Variants in MYO1H observed in about 807,000 individuals in gnomAD.
MYO1H encodes unconventional myosin-Ih.
MYO1H carries 118 observed loss-of-function variants against 149.3 expected under a neutral mutation model. That is an observed-to-expected ratio of 0.79 (90% CI 0.68 to 0.92). The LOEUF is 0.92. Among genes scored for constraint, MYO1H ranks in the 40% least tolerant of loss-of-function variants. MYO1H has a pLI of 0.00. For missense variants in MYO1H, 1,212 were observed against 1,280.7 expected, an observed-to-expected ratio of 0.95 and a Z score of 0.82; for synonymous variants, 447 against 465.2, an observed-to-expected ratio of 0.96 and a Z score of 0.50.
chr12:109,442,798 T>C lies in MYO1H; in HGVS notation c.2688+526T>C, dbSNP rs202180091. On this transcript the variant is annotated intron_variant, in intron 27 of 31. Transcript: ENST00000310903. The stretch of plus-strand genomic sequence containing the variant: ...ATCGTGTGTGCCAGTGTCTGCTCTT[T>C]TTTTTTTTTTTTTTTTTTTTGTTCC... Among the ~76,000 whole-genome samples, 10 of 89,498 alleles carry C rather than the reference T, an allele frequency of 1.1e-4. 1 individual carries two copies. Among genetic ancestry groups the C allele is most frequent in the African/African-American group, 2.9e-4 (5 of 17,268 alleles). The allele number at this position is 89,498 out of a possible 152,430, so 58.7% of individuals were successfully genotyped here. A position where few individuals can be genotyped will look rare whatever the true frequency, so the allele number is the denominator to read the frequency against.
intron 5 of MYO1H, 46 bp downstream of exon 5, chr12:109,397,858 G>C (rs925830210): frequency 2.7e-5 from 40 of 1,466,426 alleles, no homozygotes; most frequent in Non-Finnish European, 3.5e-5. Flanking sequence ...CCCTTATTTT[G>C]CCAGTGACGG....
In MYO1H at chr12:109,401,283, C is replaced by G; in HGVS notation, c.750+11C>G. 2 of 1,601,474 alleles carry G rather than the reference C, an allele frequency of 1.2e-6. No homozygotes were observed. Among genetic ancestry groups the G allele is most frequent in the Non-Finnish European group, 1.7e-6 (2 of 1,172,790 alleles). On this transcript the variant is annotated intron_variant, in intron 6 of 31. Coordinates refer to ENST00000310903, the Ensembl canonical transcript of MYO1H. The stretch of plus-strand genomic sequence containing the variant: ...AAATACCTCTCACAGGTGGGAAGGA[C>G]CAGCACCTGGCTTTGGTGACTCTTT...
intron 1 of MYO1H, among the ~76,000 whole-genome samples, chr12:109,365,706 A>T (rs899966228): frequency 5.3e-5 from 8 of 152,218 alleles, no homozygotes; most frequent in African/African-American, 1.2e-4. Context: ...ATTAAATAAG[A>T]TGATGAGATG....
chr12:109,356,521 T>G (rs1307520324), intron 1 of MYO1H, among the ~76,000 whole-genome samples: 1 of 152,128 alleles, frequency 6.6e-6, no homozygotes, highest in East Asian at 1.9e-4. Context: ...GCTATAAACT[T>G]CCAACAATTT....
intron 1 of MYO1H, among the ~76,000 whole-genome samples, chr12:109,360,949 C>T (rs1426539868): frequency 6.6e-6 from 1 of 152,174 alleles, no homozygotes; most frequent in African/African-American, 2.4e-5. Context: ...TCACGTCTGT[C>T]AAGTTGTTCT....
chr12:109,397,829 A>G lies in MYO1H; in HGVS notation c.570+17A>G. 2 of 1,588,276 alleles carry G rather than the reference A, an allele frequency of 1.3e-6. No homozygotes were observed. The highest frequency in any genetic ancestry group is 1.7e-6 in the Non-Finnish European group (2 of 1,164,932). ...GATTTTCAGGTACACTGAAGCTCCT[A>G]TTACTGGTTCATGGGGACCCCTTAT... is the stretch of plus-strand genomic sequence containing the variant. On this transcript the variant is annotated intron_variant, in intron 5 of 31. Transcript: ENST00000310903.
At chr12:109,439,811 T>G (rs1872037534) in intron 24 of MYO1H, 21 bp downstream of exon 24, 1 of 1,609,740 alleles carries the variant, frequency 6.2e-7, no homozygotes, top group Non-Finnish European at 8.5e-7. Context: ...ATCTGGGATT[T>G]CCAGTGTTGT....
In MYO1H at chr12:109,406,803, C is replaced by T. The variant is rs762006144; in HGVS notation, c.978C>T (p.His326=). 1.9e-6 allele frequency: 3 copies of T among 1,613,626 alleles called. No individual in the cohort carries two copies. The South Asian group carries it at 3.3e-5, about 18-fold the overall frequency. ...TTTACATGCAGCTCCTGGGGGTCCACCCATCAGTCCTTCTGGAAGCTCTCA... is the reference window on the plus strand; with the variant it reads ...TTTACATGCAGCTCCTGGGGGTCCATCCATCAGTCCTTCTGGAAGCTCTCA... Residue 326 remains histidine (H), a synonymous_variant, in exon 9 of 32, where the codon CAC becomes CAT. Coordinates refer to ENST00000310903, the Ensembl canonical transcript of MYO1H.
intron 16 of MYO1H, among the ~76,000 whole-genome samples, chr12:109,421,899 C>T (rs754386154): frequency 2.0e-5 from 3 of 152,154 alleles, no homozygotes; most frequent in South Asian, 4.1e-4. Flanking sequence ...CATCATTGCC[C>T]ACTGCAGCCT....
chr12:109,424,043 AG>A (rs1476071615), intron 16 of MYO1H, among the ~76,000 whole-genome samples: 1 of 152,250 alleles, frequency 6.6e-6, no homozygotes, highest in Non-Finnish European at 1.5e-5. Context: ...GGGACCACAC[AG>A]GATGTGCGTA....
chr12:109,329,291 T>C, the MYO1H span, among the ~76,000 whole-genome samples: 2 of 152,294 alleles, frequency 1.3e-5, no homozygotes, highest in South Asian at 4.1e-4. Flanking sequence ...CCACGGCTGC[T>C]TTTCAGCCAC....
the MYO1H span, among the ~76,000 whole-genome samples, chr12:109,320,623 CAAA>C: frequency 0.31 from 28,878 of 91,866 alleles, 2,763 homozygotes; most frequent in Middle Eastern, 0.43. Flanking sequence ...GAATCTGTCT[CAAA>C]AAAAAAAAAA....
At chr12:109,331,566 G>A in the MYO1H span, among the ~76,000 whole-genome samples, 1 of 152,216 alleles carries the variant, frequency 6.6e-6, no homozygotes, top group African/African-American at 2.4e-5. Context: ...AGAGCTTCTT[G>A]TAAGAAAAGA....
At chr12:109,396,814 GTTTTTTTTTTTTTTTTTT>G (rs60551691) in intron 4 of MYO1H, among the ~76,000 whole-genome samples, 1 of 51,072 alleles carries the variant, frequency 2.0e-5, no homozygotes, top group East Asian at 7.5e-4. Flanking sequence ...TTTTGGTTTC[GTTTTTTTTTTTTTTTTTT>G]TTTTTTTTTT....
intron 24 of MYO1H, chr12:109,440,464 C>T (rs953711755): frequency 3.2e-5 from 12 of 370,634 alleles, no homozygotes; most frequent in African/African-American, 2.5e-4. Flanking sequence ...TCCCGGGCTC[C>T]ACTTTGGACC....
At chr12:109,425,893 A>G in intron 17 of MYO1H, 53 bp from the exon 18 acceptor site, 1 of 1,288,312 alleles carries the variant, frequency 7.8e-7, no homozygotes. Context: ...ATTCGTTGGA[A>G]GCAGCAGTAT....
At chr12:109,447,027 G>A (rs1872512144) in intron 31 of MYO1H, 132 bp from the exon 32 acceptor site, 1 of 859,016 alleles carries the variant, frequency 1.2e-6, no homozygotes, top group East Asian at 2.7e-5. Flanking sequence ...CTTGTCTCAT[G>A]GGAGGTGGCA....
chr12:109,333,618 G>A, the MYO1H span, among the ~76,000 whole-genome samples: 5 of 152,158 alleles, frequency 3.3e-5, no homozygotes, highest in East Asian at 3.9e-4. Flanking sequence ...GGTCCTAAGT[G>A]TGTGCCAGGG....
intron 1 of MYO1H, among the ~76,000 whole-genome samples, chr12:109,380,205 A>C (rs894836271): frequency 1.3e-5 from 2 of 152,138 alleles, no homozygotes; most frequent in Non-Finnish European, 2.9e-5. Context: ...CAATTTTAAC[A>C]TTTAAAAAAT....
Sources: gnomAD v4.1 joint callset for allele counts (sites outside exome capture counted in the v4.1 genomes callset) on GRCh38, gnomAD v4.1.1 for gene constraint, MANE v1.5 for transcripts, NCBI Gene and HGNC (gene_info 2026-07-23, HGNC 2026-07-21) for gene names.